The following FHOD3 variants were observed in gnomAD, a reference collection of about 807,000 sequenced individuals.
FHOD3 encodes the protein FH1/FH2 domain-containing protein 3.
A neutral mutation model predicts 173.0 loss-of-function variants in FHOD3; 90 were observed. The ratio of observed to expected loss-of-function variants is 0.52; its 90% CI spans 0.44 to 0.62. The LOEUF (loss-of-function observed/expected upper bound fraction) is 0.62, where lower values mean the gene tolerates loss of function less well. Ranked by LOEUF, FHOD3 falls within the 20% of genes least tolerant of loss-of-function variation. The probability of loss-of-function intolerance (pLI) is 0.00; values close to 1 mark genes in which losing one functional copy is unlikely to be tolerated. For synonymous variants in FHOD3, 828 were observed against 823.0 expected (o/e 1.01, Z -0.10); for missense variants, 1,945 against 2,034.7 (o/e 0.96, Z 0.85).
intron 5 of FHOD3, among the ~76,000 whole-genome samples, chr18:36,533,141 G>C (rs938100173): frequency 3.3e-5 from 5 of 152,248 alleles, no homozygotes; most frequent in African/African-American, 1.2e-4. Context: ...GAACTGGGCT[G>C]TTTATAGAAG....
At chr18:36,414,870 C>A (rs1422420285) in intron 3 of FHOD3, among the ~76,000 whole-genome samples, 1 of 152,206 alleles carries the variant, frequency 6.6e-6, no homozygotes, top group Non-Finnish European at 1.5e-5. Context: ...CTTGTGGCAG[C>A]AGGAGGGGCT....
At chr18:36,414,863 G>T (rs1190590503) in intron 3 of FHOD3, among the ~76,000 whole-genome samples, 1 of 152,230 alleles carries the variant, frequency 6.6e-6, no homozygotes, top group Non-Finnish European at 1.5e-5. Context: ...CACTTGGCTT[G>T]TGGCAGCAGG....
intron 18 of FHOD3, among the ~76,000 whole-genome samples, chr18:36,711,905 A>G (rs995030068): frequency 2.0e-5 from 3 of 152,172 alleles, no homozygotes; most frequent in Non-Finnish European, 4.4e-5. Flanking sequence ...GTCAATGGAG[A>G]CTGATAAGAA....
intron 3 of FHOD3, among the ~76,000 whole-genome samples, chr18:36,442,586 T>G (rs967393784): frequency 2.0e-5 from 3 of 152,210 alleles, no homozygotes; most frequent in African/African-American, 7.2e-5. Flanking sequence ...AAGTTTATTT[T>G]TATATTTTAG....
At chr18:36,458,759 A>G (rs1329965168) in intron 3 of FHOD3, among the ~76,000 whole-genome samples, 1 of 147,548 alleles carries the variant, frequency 6.8e-6, no homozygotes, top group Non-Finnish European at 1.5e-5. Flanking sequence ...GACTTGGCCA[A>G]GCTAGCTTTC....
chr18:36,383,961 A>G (rs2047908487), intron 3 of FHOD3, among the ~76,000 whole-genome samples: 1 of 152,210 alleles, frequency 6.6e-6, no homozygotes, highest in Non-Finnish European at 1.5e-5. Context: ...CCTTGATGCT[A>G]TAGCACAGGT....
At chr18:36,734,262 C>T (rs1390603755) in intron 20 of FHOD3, among the ~76,000 whole-genome samples, 2 of 152,216 alleles carry the variant, frequency 1.3e-5, no homozygotes, top group Non-Finnish European at 2.9e-5. Context: ...GGTTTCTCAA[C>T]TTCAATGCTA....
At chr18:36,683,162 G>A (rs1197141524) in intron 15 of FHOD3, among the ~76,000 whole-genome samples, 1 of 152,144 alleles carries the variant, frequency 6.6e-6, no homozygotes, top group Non-Finnish European at 1.5e-5. Flanking sequence ...TTTTTCATGA[G>A]GGTAGTTCTG....
chr18:36,583,682 G>A (rs1741100703), intron 6 of FHOD3, among the ~76,000 whole-genome samples: 1 of 152,200 alleles, frequency 6.6e-6, no homozygotes, highest in Non-Finnish European at 1.5e-5. Context: ...GCCATGGAGA[G>A]CAGCCTACTG....
chr18:36,671,688 A>G (rs1041452935), intron 14 of FHOD3, among the ~76,000 whole-genome samples: 1 of 152,250 alleles, frequency 6.6e-6, no homozygotes, highest in Non-Finnish European at 1.5e-5. Flanking sequence ...TCCACTTGCT[A>G]CAACATGTGT....
At chr18:36,737,383 T>C (rs972261507) in intron 20 of FHOD3, among the ~76,000 whole-genome samples, 9 of 152,226 alleles carry the variant, frequency 5.9e-5, no homozygotes, top group African/African-American at 2.2e-4. Context: ...GCATTTATTT[T>C]GAAGACTAAT....
At chr18:36,586,034 C>T (rs956781737) in intron 6 of FHOD3, among the ~76,000 whole-genome samples, 1 of 152,212 alleles carries the variant, frequency 6.6e-6, no homozygotes, top group Non-Finnish European at 1.5e-5. Flanking sequence ...GAGATGTGAG[C>T]TGCCTGCCAC....
chr18:36,695,590 A>G (rs2039236648), intron 17 of FHOD3, among the ~76,000 whole-genome samples: 1 of 152,200 alleles, frequency 6.6e-6, no homozygotes, highest in Non-Finnish European at 1.5e-5. Context: ...AGAGCTGTCC[A>G]TTGTATGTTA....
intron 1 of FHOD3, among the ~76,000 whole-genome samples, chr18:36,328,383 A>G (rs1384059562): frequency 6.6e-6 from 1 of 152,098 alleles, no homozygotes; most frequent in Non-Finnish European, 1.5e-5. Context: ...AGCAAGTGCA[A>G]GGGTCCTGAG....
At chr18:36,601,262 G>C (rs2031341241) in intron 7 of FHOD3, among the ~76,000 whole-genome samples, 1 of 152,192 alleles carries the variant, frequency 6.6e-6, no homozygotes, top group African/African-American at 2.4e-5. Flanking sequence ...AAAGCAAAAG[G>C]CTTTCTATTC....
intron 17 of FHOD3, among the ~76,000 whole-genome samples, chr18:36,706,631 C>G (rs1013379098): frequency 1.3e-5 from 2 of 152,170 alleles, no homozygotes; most frequent in Non-Finnish European, 2.9e-5. Flanking sequence ...AGTGCACACC[C>G]GCAGGCTGAA....
At chr18:36,771,034 GAT>G (rs1182944459) in intron 28 of FHOD3, among the ~76,000 whole-genome samples, 11 of 152,050 alleles carry the variant, frequency 7.2e-5, no homozygotes, top group African/African-American at 2.7e-4. Context: ...TCTTTCTTCT[GAT>G]ATTTTCCTAT....
intron 1 of FHOD3, among the ~76,000 whole-genome samples, chr18:36,308,564 C>T (rs2092164761): frequency 6.6e-6 from 1 of 152,166 alleles, no homozygotes; most frequent in African/African-American, 2.4e-5. Context: ...AAGAACAAAA[C>T]TCATTCTAGG....
intron 3 of FHOD3, among the ~76,000 whole-genome samples, chr18:36,404,288 G>A (rs966674913): frequency 6.6e-6 from 1 of 152,202 alleles, no homozygotes; most frequent in Non-Finnish European, 1.5e-5. Context: ...CCCCTGGGAT[G>A]TTGGTTCATA....
Sources: allele counts gnomAD v4.1 joint callset (sites outside exome capture counted in the v4.1 genomes callset), GRCh38; gene constraint gnomAD v4.1.1; transcripts MANE v1.5; gene names NCBI Gene and HGNC (gene_info 2026-07-23, HGNC 2026-07-21).